The following PCDH15 variants were observed in gnomAD, a reference collection of about 807,000 sequenced individuals.
The protein encoded by PCDH15 is protocadherin-15.
PCDH15 carries 129 observed loss-of-function variants against 178.5 expected under a neutral mutation model. That is an observed-to-expected ratio of 0.72 (90% CI 0.63 to 0.84). The LOEUF is 0.84. Ranked by LOEUF, PCDH15 falls within the 40% of genes least tolerant of loss-of-function variation. The probability of loss-of-function intolerance (pLI) is 0.00; values close to 1 mark genes in which losing one functional copy is unlikely to be tolerated. For synonymous variants in PCDH15, 800 were observed against 732.0 expected (o/e 1.09, Z -1.50); for missense variants, 2,230 against 2,099.9 (o/e 1.06, Z -1.21).
At chr10:55,611,514 G>A (rs1003573911) in intron 2 of PCDH15, among the ~76,000 whole-genome samples, 9 of 152,112 alleles carry the variant, frequency 5.9e-5, no homozygotes, top group African/African-American at 2.2e-4. Flanking sequence ...AAGTGTTGGT[G>A]AGGATTTGAA....
chr10:55,276,751 G>A (rs913817607), intron 1 of PCDH15, among the ~76,000 whole-genome samples: 1 of 151,594 alleles, frequency 6.6e-6, no homozygotes, highest in Non-Finnish European at 1.5e-5. Flanking sequence ...GGATCATTTG[G>A]TATAAAATTG....
intron 2 of PCDH15, among the ~76,000 whole-genome samples, chr10:55,146,859 C>T (rs201632537): frequency 7.8e-6 from 1 of 128,502 alleles, no homozygotes; most frequent in African/African-American, 2.7e-5. Context: ...CTTTTACTGA[C>T]TTATGATTAC....
chr10:55,112,640 T>G (rs1189561723), intron 2 of PCDH15, among the ~76,000 whole-genome samples: 2 of 152,120 alleles, frequency 1.3e-5, no homozygotes, highest in African/African-American at 2.4e-5. Flanking sequence ...GGAACAGGCA[T>G]GTGCATTAAA....
At chr10:55,506,186 A>G (rs565905874) in intron 2 of PCDH15, 34 of 151,606 alleles carry the variant, frequency 2.2e-4, no homozygotes, top group African/African-American at 8.2e-4. Context: ...TCCAGGAGAA[A>G]GATGAAGGTG....
intron 14 of PCDH15, among the ~76,000 whole-genome samples, chr10:54,136,724 C>A (rs2042938243): frequency 6.6e-6 from 1 of 152,106 alleles, no homozygotes; most frequent in Non-Finnish European, 1.5e-5. Flanking sequence ...CTTTAAAATG[C>A]TGAAACAAAG....
At chr10:55,016,097 TTAAAAA>T (rs1564718161) in intron 2 of PCDH15, among the ~76,000 whole-genome samples, 1 of 57,046 alleles carries the variant, frequency 1.8e-5, no homozygotes, top group Middle Eastern at 9.4e-3. Context: ...CCTTTTTTTT[TTAAAAA>T]AAAAAAAAAA....
At chr10:54,790,614 C>G (rs1951316835) in intron 1 of PCDH15, among the ~76,000 whole-genome samples, 1 of 151,790 alleles carries the variant, frequency 6.6e-6, no homozygotes, top group African/African-American at 2.4e-5. Flanking sequence ...TGTTGCAGAT[C>G]ATTCCCCTGG....
intron 1 of PCDH15, among the ~76,000 whole-genome samples, chr10:54,724,177 G>A (rs770727462): frequency 6.6e-6 from 1 of 151,686 alleles, no homozygotes; most frequent in South Asian, 2.1e-4. Flanking sequence ...GGAAAATGTG[G>A]TGTATACATC....
chr10:53,819,019 T>C (rs1211594235), intron 33 of PCDH15, among the ~76,000 whole-genome samples: 2 of 152,078 alleles, frequency 1.3e-5, no homozygotes, highest in East Asian at 3.8e-4. Flanking sequence ...AGCTTCTCAA[T>C]TGATTCTTTA....
intron 13 of PCDH15, among the ~76,000 whole-genome samples, chr10:54,180,151 A>G (rs1384975054): frequency 6.6e-6 from 1 of 152,202 alleles, no homozygotes; most frequent in African/African-American, 2.4e-5. Context: ...GTTACGGAAG[A>G]TGATGTTGGT....
chr10:54,327,636 G>T (rs1938440891), intron 7 of PCDH15, among the ~76,000 whole-genome samples: 1 of 151,688 alleles, frequency 6.6e-6, no homozygotes, highest in South Asian at 2.1e-4. Context: ...ATATCTCTAA[G>T]AAAGGCAAGA....
chr10:54,857,615 T>C (rs1012977999), intron 3 of PCDH15, among the ~76,000 whole-genome samples: 2 of 142,608 alleles, frequency 1.4e-5, no homozygotes, highest in African/African-American at 5.2e-5. Flanking sequence ...CTGGCTAATT[T>C]TTTTTTCTTT....
At chr10:54,477,237 C>T (rs1026470787) in intron 3 of PCDH15, among the ~76,000 whole-genome samples, 1 of 152,126 alleles carries the variant, frequency 6.6e-6, no homozygotes, top group Non-Finnish European at 1.5e-5. Context: ...ACTTTCTGCT[C>T]CATTTTTCTG....
At chr10:53,946,797 A>G (rs995937692) in intron 23 of PCDH15, among the ~76,000 whole-genome samples, 3 of 152,200 alleles carry the variant, frequency 2.0e-5, no homozygotes, top group Non-Finnish European at 4.4e-5. Context: ...TGTTTTGTTT[A>G]GACGGAGTCT....
At chr10:53,923,003 T>C (rs1401121550) in intron 25 of PCDH15, among the ~76,000 whole-genome samples, 2 of 151,966 alleles carry the variant, frequency 1.3e-5, no homozygotes, top group African/African-American at 4.8e-5. Flanking sequence ...AGGAGAATGG[T>C]GTGAACGTGG....
At chr10:53,842,340 T>A (rs1477603964) in intron 28 of PCDH15, among the ~76,000 whole-genome samples, 2 of 151,960 alleles carry the variant, frequency 1.3e-5, no homozygotes, top group East Asian at 3.9e-4. Flanking sequence ...CACTGCAACC[T>A]CCACCTCCCG....
intron 2 of PCDH15, among the ~76,000 whole-genome samples, chr10:55,457,290 A>C (rs1463621352): frequency 1.3e-5 from 2 of 152,094 alleles, no homozygotes; most frequent in Admixed American, 1.3e-4. Flanking sequence ...ATCAACTAAA[A>C]TTCAATAATC....
At chr10:54,809,771 G>A (rs951833061) in intron 3 of PCDH15, among the ~76,000 whole-genome samples, 1 of 152,074 alleles carries the variant, frequency 6.6e-6, no homozygotes, top group Admixed American at 6.5e-5. Flanking sequence ...ATCATTGAAA[G>A]AGACAAAGAA....
chr10:54,752,892 T>C (rs533816539), intron 1 of PCDH15, among the ~76,000 whole-genome samples: 14 of 152,092 alleles, frequency 9.2e-5, no homozygotes, highest in Admixed American at 2.6e-4. Context: ...GACAGTCTTA[T>C]AGAAATAAAG....
Sources: gnomAD v4.1 joint callset for allele counts (sites outside exome capture counted in the v4.1 genomes callset) on GRCh38, gnomAD v4.1.1 for gene constraint, MANE v1.5 for transcripts, NCBI Gene and HGNC (gene_info 2026-07-23, HGNC 2026-07-21) for gene names.